CECR2: variants seen among roughly 807,000 people sequenced by gnomAD.
CECR2 encodes the protein chromatin remodeling regulator CECR2.
A neutral mutation model predicts 154.5 loss-of-function variants in CECR2; 30 were observed. The ratio of observed to expected loss-of-function variants is 0.19; its 90% CI spans 0.15 to 0.26. The LOEUF is 0.26. CECR2 is among the 10% of genes least tolerant of loss of function. The pLI is 1.00. For missense variants in CECR2, 1,743 were observed against 1,829.3 expected (o/e 0.95, Z 0.86); for synonymous variants, 725 against 683.7 (o/e 1.06, Z -0.94).
At chr22:17,457,099 T>TC (rs1484089272) in intron 1 of CECR2, among the ~76,000 whole-genome samples, 1 of 152,266 alleles carries the variant, frequency 6.6e-6, no homozygotes, top group African/African-American at 2.4e-5. Context: ...CTATCTCTGT[T>TC]CATCACAACC....
intron 7 of CECR2, among the ~76,000 whole-genome samples, chr22:17,506,033 G>A (rs1442304861): frequency 6.6e-6 from 1 of 151,506 alleles, no homozygotes; most frequent in Admixed American, 6.6e-5. Context: ...TTTTTGTAGA[G>A]ACGAGGTCTT....
intron 1 of CECR2, among the ~76,000 whole-genome samples, chr22:17,442,353 GC>G (rs1374358281): frequency 6.6e-6 from 1 of 152,120 alleles, no homozygotes; most frequent in Non-Finnish European, 1.5e-5. Context: ...ATAGCTTGAG[GC>G]TAGGAGTTCT....
intron 1 of CECR2, among the ~76,000 whole-genome samples, chr22:17,442,031 TCTA>T (rs2054592161): frequency 6.6e-6 from 1 of 152,234 alleles, no homozygotes; most frequent in Non-Finnish European, 1.5e-5. Flanking sequence ...TTGACCATCT[TCTA>T]CTAGAATCAA....
At chr22:17,375,792 T>C (rs1228617047) in intron 1 of CECR2, among the ~76,000 whole-genome samples, 2 of 151,888 alleles carry the variant, frequency 1.3e-5, no homozygotes, top group African/African-American at 4.8e-5. Flanking sequence ...CCGTCTCTAC[T>C]AAAAGTACAA....
At chr22:17,515,646 A>C (rs2056037735) in intron 8 of CECR2, among the ~76,000 whole-genome samples, 1 of 152,166 alleles carries the variant, frequency 6.6e-6, no homozygotes, top group African/African-American at 2.4e-5. Context: ...GCATACAATA[A>C]AAGCTGTTTA....
At chr22:17,529,442 T>A (rs1270577892) in intron 9 of CECR2, among the ~76,000 whole-genome samples, 1 of 152,198 alleles carries the variant, frequency 6.6e-6, no homozygotes. Flanking sequence ...GGCTCACGGT[T>A]GTAATCCCAG....
In CECR2 at chr22:17,555,575, C is replaced by T. The variant is rs1024689455; in HGVS notation, c.*2735C>T. On this transcript the variant is annotated 3_prime_UTR_variant, in exon 19 of 19. Transcript: ENST00000262608. ...CCATCCCCAAGCAGGATCTTCTTCT[C>T]ACCTTTTCTTCCTCCTCTAGCACTT... The T allele has an allele frequency of 1.3e-5, 2 of 152,248 alleles. No homozygotes were observed. The highest frequency in any genetic ancestry group is 3.8e-4 in the East Asian group (2 of 5,198). 9.4% of individuals were successfully genotyped at this position (152,248 alleles called of 1,614,324 possible). A position where few individuals can be genotyped will look rare whatever the true frequency, so the allele number is the denominator to read the frequency against.
intron 16 of CECR2, among the ~76,000 whole-genome samples, chr22:17,544,065 A>G (rs1245944376): frequency 6.6e-6 from 1 of 152,180 alleles, no homozygotes; most frequent in African/African-American, 2.4e-5. Context: ...GTTCCTCTAA[A>G]AAAGTACTGT....
chr22:17,537,135 A>C lies in CECR2; in HGVS notation c.1141A>C (p.Arg381=). The part of the protein sequence containing the change: ...RAKRRKLREE[R]AWLLAQGKEL... ...GAAGAGGAGAAAGCTCAGGGAAGAA[A>C]GGGCATGGCTGCTGGCTCAAGGAAA... is the stretch of plus-strand genomic sequence containing the variant. Residue 381 remains arginine (R), a synonymous_variant, in exon 10 of 19, where the codon AGG becomes CGG. Transcript: ENST00000262608. 6.2e-7 allele frequency: 1 copy of C among 1,613,954 alleles called. No individual in the cohort carries two copies. The highest frequency in any genetic ancestry group is 8.5e-7 in the Non-Finnish European group (1 of 1,179,866).
chr22:17,438,647 G>A (rs2054541244), intron 1 of CECR2, among the ~76,000 whole-genome samples: 1 of 151,148 alleles, frequency 6.6e-6, no homozygotes, highest in Admixed American at 6.6e-5. Flanking sequence ...TTTTTTTAAA[G>A]CTCATCAGGT....
At chr22:17,504,490 G>A (rs1440503753) in intron 6 of CECR2, among the ~76,000 whole-genome samples, 1 of 151,970 alleles carries the variant, frequency 6.6e-6, no homozygotes, top group Non-Finnish European at 1.5e-5. Flanking sequence ...AGGCTGGAGT[G>A]CAGTGGCGTG....
chr22:17,462,492 G>T (rs998164367), intron 1 of CECR2, among the ~76,000 whole-genome samples: 1 of 152,164 alleles, frequency 6.6e-6, no homozygotes, highest in Non-Finnish European at 1.5e-5. Flanking sequence ...AGGAGTCTTT[G>T]GAGGCTTCTA....
At chr22:17,423,817 G>A (rs530568649) in intron 1 of CECR2, among the ~76,000 whole-genome samples, 195 of 152,218 alleles carry the variant, frequency 1.3e-3, no homozygotes, top group Non-Finnish European at 1.5e-3. Context: ...GCCTTGTGAC[G>A]TCATCTCTTT....
At chr22:17,363,836 T>C (rs1325093155) in intron 1 of CECR2, among the ~76,000 whole-genome samples, 3 of 152,158 alleles carry the variant, frequency 2.0e-5, no homozygotes, top group Non-Finnish European at 4.4e-5. Context: ...AGTTTTGCCA[T>C]GTTGCTCAGA....
chr22:17,488,791 G>A (rs948495242), intron 2 of CECR2, among the ~76,000 whole-genome samples: 5 of 152,130 alleles, frequency 3.3e-5, no homozygotes, highest in African/African-American at 7.2e-5. Context: ...ATGCTTGTGT[G>A]CACTTAATTT....
chr22:17,521,481 C>T (rs556453923), intron 8 of CECR2, among the ~76,000 whole-genome samples: 30 of 150,522 alleles, frequency 2.0e-4, no homozygotes, highest in African/African-American at 6.1e-4. Flanking sequence ...GCCGAGATGG[C>T]GCCACTGCAC....
At chr22:17,361,664 G>T (rs992002086) in intron 1 of CECR2, among the ~76,000 whole-genome samples, 1 of 151,774 alleles carries the variant, frequency 6.6e-6, no homozygotes, top group Non-Finnish European at 1.5e-5. Flanking sequence ...ACTTGAACCC[G>T]GGGGCTGGGG....
At chr22:17,406,527 C>T (rs895425405) in intron 1 of CECR2, among the ~76,000 whole-genome samples, 1 of 152,034 alleles carries the variant, frequency 6.6e-6, no homozygotes, top group Admixed American at 6.6e-5. Context: ...TTCTGTTCCT[C>T]CCCCCACCCC....
At chr22:17,362,433 A>G (rs115202056) in intron 1 of CECR2, among the ~76,000 whole-genome samples, 4,048 of 152,306 alleles carry the variant, frequency 0.027, 153 homozygotes, top group African/African-American at 0.085. Flanking sequence ...GCCACTAACC[A>G]CAGTGGTGAA....
Sources: allele counts gnomAD v4.1 joint callset (sites outside exome capture counted in the v4.1 genomes callset), GRCh38; gene constraint gnomAD v4.1.1; transcripts MANE v1.5; gene names NCBI Gene and HGNC (gene_info 2026-07-23, HGNC 2026-07-21).